The following MYRIP variants were observed in gnomAD, a reference collection of about 807,000 sequenced individuals.
MYRIP encodes the protein rab effector MyRIP.
In MYRIP, 49 loss-of-function variants were observed where a neutral mutation model predicts 98.0. That is an observed-to-expected ratio of 0.50 (90% CI 0.40 to 0.63). The LOEUF is 0.63. Ranked by LOEUF, MYRIP falls within the 30% of genes least tolerant of loss-of-function variation. The probability of loss-of-function intolerance (pLI) is 0.00; values close to 1 mark genes in which losing one functional copy is unlikely to be tolerated. For synonymous variants in MYRIP, 404 were observed against 409.5 expected (o/e 0.99, Z 0.16); for missense variants, 1,004 against 1,058.2 (o/e 0.95, Z 0.71).
At chr3:40,198,439 T>A (rs1951460365) in intron 10 of MYRIP, among the ~76,000 whole-genome samples, 1 of 152,150 alleles carries the variant, frequency 6.6e-6, no homozygotes, top group Admixed American at 6.5e-5. Flanking sequence ...AGTGAATGGA[T>A]CTCCAGATGC....
In MYRIP at chr3:39,892,286, A is replaced by T. The variant is rs114353856; in HGVS notation, c.-30-8501A>T. Among the ~76,000 whole-genome samples, 1,396 of 152,192 alleles carry T rather than the reference A, an allele frequency of 9.2e-3. 26 individuals carry two copies. The highest frequency in any genetic ancestry group is 0.032 in the African/African-American group (1,319 of 41,532). ...GGTTGTGGGATGGAGATGAGTAGGG[A>T]TGGCATACTGAAACAATAGAGGTGG... On this transcript the variant is annotated intron_variant, in intron 1 of 16. Coordinates refer to ENST00000302541, the MANE Select transcript of MYRIP (RefSeq NM_015460.4).
intron 4 of MYRIP, among the ~76,000 whole-genome samples, chr3:40,156,193 T>C (rs1950233976): frequency 6.6e-6 from 1 of 151,972 alleles, no homozygotes; most frequent in Middle Eastern, 3.4e-3. Flanking sequence ...AGGGATCCAG[T>C]TTCAGCTTTC....
chr3:39,951,699 A>T (rs1945021660), intron 2 of MYRIP, among the ~76,000 whole-genome samples: 1 of 152,144 alleles, frequency 6.6e-6, no homozygotes, highest in African/African-American at 2.4e-5. Flanking sequence ...ATTCCCAGCT[A>T]ATGGACCATA....
intron 3 of MYRIP, among the ~76,000 whole-genome samples, chr3:40,099,216 C>CA (rs1254419303): frequency 4.0e-5 from 6 of 151,762 alleles, no homozygotes; most frequent in African/African-American, 7.3e-5. Context: ...TCTGGATTTA[C>CA]AAAAAAATGT....
intron 2 of MYRIP, among the ~76,000 whole-genome samples, chr3:39,928,817 T>C (rs183277367): frequency 1.3e-5 from 2 of 152,096 alleles, no homozygotes; most frequent in East Asian, 3.9e-4. Context: ...AGCTTGGTAC[T>C]AGAAGTTCTA....
intron 11 of MYRIP, among the ~76,000 whole-genome samples, chr3:40,230,727 C>T (rs144960514): frequency 0.014 from 2,091 of 152,260 alleles, 21 homozygotes; most frequent in Non-Finnish European, 0.021. Context: ...CTGTGGATTC[C>T]AGTTTGCCTT....
At chr3:39,860,505 C>T (rs1050944711) in intron 1 of MYRIP, among the ~76,000 whole-genome samples, 5 of 152,182 alleles carry the variant, frequency 3.3e-5, no homozygotes, top group Admixed American at 6.5e-5. Context: ...TGAGATGGGG[C>T]TAGTTCAACC....
chr3:40,176,908 CAA>C (rs143992737), intron 8 of MYRIP, among the ~76,000 whole-genome samples: 3 of 109,132 alleles, frequency 2.7e-5, no homozygotes, highest in African/African-American at 3.9e-5. Context: ...AACTCCATCT[CAA>C]AAAAAAAAAA....
chr3:40,146,284 AATGAAGTGTCGG>A (rs1335048953), intron 3 of MYRIP, among the ~76,000 whole-genome samples: 1 of 152,180 alleles, frequency 6.6e-6, no homozygotes, highest in Non-Finnish European at 1.5e-5. Flanking sequence ...CAAAGGCCTG[AATGAAGTGTCGG>A]ATTGAGCCTG....
intron 1 of MYRIP, among the ~76,000 whole-genome samples, chr3:39,888,518 C>A (rs561757663): frequency 5.3e-4 from 81 of 152,036 alleles, no homozygotes; most frequent in African/African-American, 1.8e-3. Context: ...TACCTTATAC[C>A]AAAATCAATT....
At chr3:40,130,379 C>CTTT (rs1174112413) in intron 3 of MYRIP, among the ~76,000 whole-genome samples, 3 of 139,270 alleles carry the variant, frequency 2.2e-5, no homozygotes, top group Admixed American at 1.4e-4. Flanking sequence ...GTCCAAATTT[C>CTTT]TTTTTTTTTT....
At chr3:40,211,300 G>A (rs1204414593) in intron 11 of MYRIP, among the ~76,000 whole-genome samples, 1 of 152,170 alleles carries the variant, frequency 6.6e-6, no homozygotes, top group African/African-American at 2.4e-5. Context: ...AGAAGTTGCT[G>A]GTAATGCACA....
At chr3:40,057,371 A>G (rs771233601) in intron 3 of MYRIP, among the ~76,000 whole-genome samples, 1 of 152,200 alleles carries the variant, frequency 6.6e-6, no homozygotes, top group Non-Finnish European at 1.5e-5. Context: ...GGTATTTCAA[A>G]GGGGCTGAAG....
chr3:40,210,646 T>A (rs2125666963), intron 11 of MYRIP, among the ~76,000 whole-genome samples: 1 of 152,282 alleles, frequency 6.6e-6, no homozygotes, highest in Non-Finnish European at 1.5e-5. Flanking sequence ...GGAATCCCAG[T>A]GTTTCACACA....
intron 2 of MYRIP, among the ~76,000 whole-genome samples, chr3:40,017,794 A>G (rs1025182751): frequency 6.0e-5 from 9 of 150,514 alleles, no homozygotes; most frequent in African/African-American, 2.2e-4. Context: ...TAATAAGGCC[A>G]GACTGTGAGT....
At chr3:40,197,294 T>C (rs1424274794) in intron 10 of MYRIP, among the ~76,000 whole-genome samples, 2 of 152,136 alleles carry the variant, frequency 1.3e-5, no homozygotes, top group Non-Finnish European at 2.9e-5. Flanking sequence ...ACTCAGGTGG[T>C]AATGCTGGCT....
intron 1 of MYRIP, among the ~76,000 whole-genome samples, chr3:39,872,388 C>T (rs1291145956): frequency 6.6e-6 from 1 of 151,492 alleles, no homozygotes; most frequent in African/African-American, 2.4e-5. Flanking sequence ...GCACAATGTG[C>T]AGGTTAGTTA....
intron 3 of MYRIP, among the ~76,000 whole-genome samples, chr3:40,131,139 C>G (rs1445467515): frequency 6.6e-6 from 1 of 152,148 alleles, no homozygotes; most frequent in Non-Finnish European, 1.5e-5. Flanking sequence ...TCTACCTGCC[C>G]CCATGCTCCA....
intron 4 of MYRIP, among the ~76,000 whole-genome samples, chr3:40,161,261 G>A (rs1049574855): frequency 1.3e-5 from 2 of 152,224 alleles, no homozygotes; most frequent in Middle Eastern, 3.4e-3. Context: ...TGACACCAAT[G>A]CTCCCACCTC....
Sources: gnomAD v4.1 joint callset for allele counts (sites outside exome capture counted in the v4.1 genomes callset) on GRCh38, gnomAD v4.1.1 for gene constraint, MANE v1.5 for transcripts, NCBI Gene and HGNC (gene_info 2026-07-23, HGNC 2026-07-21) for gene names.